ALK: variants seen among roughly 807,000 people sequenced by gnomAD.
ALK encodes the protein ALK tyrosine kinase receptor.
Under a neutral mutation model 163.1 loss-of-function variants are expected in ALK, and 74 were observed. The ratio of observed to expected loss-of-function variants is 0.45; its 90% CI spans 0.38 to 0.55. The LOEUF (loss-of-function observed/expected upper bound fraction) is 0.55. Among genes scored for constraint, ALK ranks in the 20% least tolerant of loss-of-function variants. ALK has a pLI of 0.00. For missense variants in ALK, 2,063 were observed against 2,105.3 expected (o/e 0.98, Z 0.39); for synonymous variants, 960 against 843.2 (o/e 1.14, Z -2.40).
At chr2:29,305,240 C>T (rs1037425745) in intron 8 of ALK, among the ~76,000 whole-genome samples, 3 of 152,052 alleles carry the variant, frequency 2.0e-5, no homozygotes, top group African/African-American at 4.8e-5. Flanking sequence ...AGTCTGCTGC[C>T]GTCAGCTAAG....
intron 5 of ALK, among the ~76,000 whole-genome samples, chr2:29,347,930 AT>A (rs1387179619): frequency 6.6e-6 from 1 of 152,198 alleles, no homozygotes; most frequent in East Asian, 1.9e-4. Flanking sequence ...GATAATTTGC[AT>A]TTTTAATTAT....
At chr2:29,419,571 G>A (rs1368106463) in intron 4 of ALK, among the ~76,000 whole-genome samples, 1 of 151,456 alleles carries the variant, frequency 6.6e-6, no homozygotes, top group Non-Finnish European at 1.5e-5. Context: ...TGGCTGGAAT[G>A]GAGATCAGGG....
intron 1 of ALK, among the ~76,000 whole-genome samples, chr2:29,861,037 T>G (rs562707724): frequency 6.6e-6 from 1 of 152,266 alleles, no homozygotes; most frequent in Non-Finnish European, 1.5e-5. Context: ...TTGGGTATGG[T>G]GGCATGTGCC....
chr2:29,591,095 A>AAAAC (rs1675044966), intron 3 of ALK, among the ~76,000 whole-genome samples: 2 of 148,664 alleles, frequency 1.3e-5, no homozygotes, highest in African/African-American at 5.1e-5. Context: ...AAAAAAAAAA[A>AAAAC]AAAAATCCCA....
intron 4 of ALK, among the ~76,000 whole-genome samples, chr2:29,436,626 T>C (rs1670406404): frequency 6.6e-6 from 1 of 152,224 alleles, no homozygotes; most frequent in African/African-American, 2.4e-5. Flanking sequence ...GGCCAGTTTT[T>C]TTGCTATCAT....
In ALK at chr2:29,220,942, A is replaced by T. The variant is rs575220387; in HGVS notation, c.3516-107T>A. ...GTTACATTTTCAGCAGCTACAATGT[A>T]TAAAGGCATTCTGTAAACATGGGCA... On this transcript the variant is annotated intron_variant, in intron 22 of 28. Coordinates refer to ENST00000389048, the MANE Select transcript of ALK (RefSeq NM_004304.5). 183 of 1,488,138 alleles carry T rather than the reference A, an allele frequency of 1.2e-4. 2 individuals are homozygous for T. In the South Asian group the frequency reaches 1.9e-3, roughly 16 times the overall value. 92.2% of individuals were successfully genotyped at this position (1,488,138 alleles called of 1,614,324 possible). A position where few individuals can be genotyped will look rare whatever the true frequency, so the allele number is the denominator to read the frequency against.
chr2:29,759,612 T>C (rs574897614), intron 1 of ALK, among the ~76,000 whole-genome samples: 3 of 152,342 alleles, frequency 2.0e-5, no homozygotes, highest in Admixed American at 2.0e-4. Context: ...GAAACACTCT[T>C]TGGCCTTTGA....
intron 4 of ALK, among the ~76,000 whole-genome samples, chr2:29,459,778 T>G (rs1671041828): frequency 6.6e-6 from 1 of 152,140 alleles, no homozygotes; most frequent in South Asian, 2.1e-4. Context: ...CCCAACAATA[T>G]CACTGAATGT....
chr2:29,813,964 T>G (rs1664823345), intron 1 of ALK, among the ~76,000 whole-genome samples: 1 of 152,212 alleles, frequency 6.6e-6, no homozygotes, highest in Non-Finnish European at 1.5e-5. Flanking sequence ...CATATTTCAG[T>G]AACATCCGAG....
intron 5 of ALK, among the ~76,000 whole-genome samples, chr2:29,353,985 T>C (rs1668180554): frequency 6.6e-6 from 1 of 152,208 alleles, no homozygotes; most frequent in Non-Finnish European, 1.5e-5. Context: ...CTTTGGTCCT[T>C]AAGCACAAGA....
intron 4 of ALK, among the ~76,000 whole-genome samples, chr2:29,452,341 T>G (rs79566766): frequency 1.3e-5 from 2 of 151,824 alleles, no homozygotes; most frequent in South Asian, 2.1e-4. Flanking sequence ...TGTTTTTTTT[T>G]TTTTTTTTTT....
chr2:29,879,211 C>T (rs1666796930), intron 1 of ALK, among the ~76,000 whole-genome samples: 1 of 152,152 alleles, frequency 6.6e-6, no homozygotes, highest in African/African-American at 2.4e-5. Context: ...AGAATCCCTC[C>T]CCCAAGCAGT....
chr2:29,827,894 T>C (rs1444440462), intron 1 of ALK, among the ~76,000 whole-genome samples: 5 of 152,320 alleles, frequency 3.3e-5, no homozygotes, highest in Admixed American at 3.3e-4. Flanking sequence ...GCTGGAGGCA[T>C]CACGCTATCT....
At chr2:29,318,524 G>T (rs956532282) in intron 7 of ALK, 120 bp from the exon 8 acceptor site, 1 of 741,112 alleles carries the variant, frequency 1.3e-6, no homozygotes, top group African/African-American at 1.7e-5. Context: ...GAGGAAACAG[G>T]TTTCTGGCCT....
At chr2:29,217,298 GAT>G (rs1669666060) in intron 23 of ALK, among the ~76,000 whole-genome samples, 1 of 148,170 alleles carries the variant, frequency 6.7e-6, no homozygotes, top group African/African-American at 2.5e-5. Context: ...TGGTGTGTGT[GAT>G]GTGTGTATAT....
At position 29,222,176 on chromosome 2, in the gene ALK, C is replaced by T. The variant is rs568658967; in HGVS notation, c.3515+168G>A. Among the ~76,000 whole-genome samples, 3 of 152,234 alleles carry T rather than the reference C, an allele frequency of 2.0e-5. No homozygotes were observed. In the East Asian group the frequency reaches 5.8e-4, roughly 29 times the overall value. On this transcript the variant is annotated intron_variant, in intron 22 of 28. Transcript: ENST00000389048. ...TCTGAAACAACCATCAAGGGTTGTT[C>T]CATTCTGGTAAGAAGTGTCTAGAAT... is the stretch of plus-strand genomic sequence containing the variant.
intron 3 of ALK, among the ~76,000 whole-genome samples, chr2:29,641,174 G>C (rs1431844342): frequency 1.3e-5 from 2 of 152,082 alleles, no homozygotes; most frequent in African/African-American, 4.8e-5. Flanking sequence ...GCAGATATTG[G>C]CAGGTTTCAA....
At chr2:29,269,277 C>T (rs1186982873) in intron 11 of ALK, among the ~76,000 whole-genome samples, 1 of 152,194 alleles carries the variant, frequency 6.6e-6, no homozygotes, top group African/African-American at 2.4e-5. Context: ...TGGCCTTCAG[C>T]CCAGCCTCCA....
At chr2:29,642,956 T>G (rs540274691) in intron 3 of ALK, among the ~76,000 whole-genome samples, 2 of 152,344 alleles carry the variant, frequency 1.3e-5, no homozygotes, top group South Asian at 4.1e-4. Flanking sequence ...TATGTGAGAT[T>G]AAATCCAACC....
Sources: allele counts gnomAD v4.1 joint callset (sites outside exome capture counted in the v4.1 genomes callset), GRCh38; gene constraint gnomAD v4.1.1; transcripts MANE v1.5; gene names NCBI Gene and HGNC (gene_info 2026-07-23, HGNC 2026-07-21).